Variants in ABCC1 observed in about 807,000 individuals in gnomAD.
ABCC1 encodes multidrug resistance-associated protein 1.
A neutral mutation model predicts 172.9 loss-of-function variants in ABCC1; 83 were observed. The observed-to-expected ratio is 0.48, with a 90% CI of 0.40 to 0.58. ABCC1 has a LOEUF of 0.58. ABCC1 is among the 20% of genes least tolerant of loss of function. The pLI, the probability that ABCC1 is intolerant of heterozygous loss-of-function variation, is 0.00. For synonymous variants in ABCC1, 937 were observed against 825.2 expected (o/e 1.14, Z -2.32); for missense variants, 1,817 against 2,002.7 (o/e 0.91, Z 1.77).
At chr16:16,074,877 C>A (rs998399866) in intron 14 of ABCC1, among the ~76,000 whole-genome samples, 4 of 152,116 alleles carry the variant, frequency 2.6e-5, no homozygotes, top group Admixed American at 2.0e-4. Context: ...AAAAAATACT[C>A]CTGTATTATC....
At chr16:16,074,963 T>C (rs1381966804) in intron 14 of ABCC1, among the ~76,000 whole-genome samples, 2 of 107,746 alleles carry the variant, frequency 1.9e-5, no homozygotes, top group African/African-American at 3.4e-5. Context: ...TTTTTTTTTT[T>C]TGAGACAGAG....
At chr16:16,032,033 C>T (rs1368104031) in intron 5 of ABCC1, among the ~76,000 whole-genome samples, 2 of 152,072 alleles carry the variant, frequency 1.3e-5, no homozygotes, top group African/African-American at 4.8e-5. Context: ...GCTCTGTTGC[C>T]AGGCTGTAGT....
intron 14 of ABCC1, among the ~76,000 whole-genome samples, chr16:16,073,040 C>CA (rs5815853): frequency 0.029 from 3,316 of 115,790 alleles, 50 homozygotes; most frequent in Middle Eastern, 0.057. Flanking sequence ...GACTTCATCT[C>CA]AAAAAAAAAA....
At chr16:16,001,172 A>G (rs549221464) in intron 1 of ABCC1, among the ~76,000 whole-genome samples, 1 of 152,252 alleles carries the variant, frequency 6.6e-6, no homozygotes, top group African/African-American at 2.4e-5. Context: ...TGAATGTAGA[A>G]GGAAGGCCTC....
At chr16:16,039,104 AG>A (rs760410096) in intron 7 of ABCC1, among the ~76,000 whole-genome samples, 205 of 152,176 alleles carry the variant, frequency 1.3e-3, no homozygotes, top group Non-Finnish European at 2.5e-3. Context: ...TATGGGAGAC[AG>A]GACGTTGGTT....
intron 21 of ABCC1, among the ~76,000 whole-genome samples, chr16:16,107,775 A>G (rs2052198262): frequency 1.3e-5 from 2 of 151,672 alleles, no homozygotes; most frequent in South Asian, 4.2e-4. Flanking sequence ...TTCTCCATTT[A>G]TGGTGGTGAT....
Position 16,036,564 on chromosome 16 carries a change from T to G in ABCC1, c.770T>G (p.Leu257Trp), listed in dbSNP as rs1165069763. 2 of 1,614,112 alleles carry G rather than the reference T, an allele frequency of 1.2e-6. No individual in the cohort carries two copies. Among genetic ancestry groups the G allele is most frequent in the Non-Finnish European group, 1.7e-6 (2 of 1,179,980 alleles). Residue 257 changes from leucine (L) to tryptophan (W), a missense_variant, in exon 7 of 31, where the codon TTG becomes TGG. Physicochemically the swap from Leu to Trp is moderately conservative, Grantham distance 61 (BLOSUM62 -2). Around this residue, in one of 3 missense-constraint regions of ABCC1, gnomAD observed 398 missense variants for 384.2 expected, o/e 1.04. Coordinates refer to ENST00000399410, the MANE Select transcript of ABCC1 (RefSeq NM_004996.4). ...ACGTCGGAACAAGTCGTGCCTGTTT[T>G]GGTAAAGAACTGGAAGAAGGAATGC... Reference protein sequence around the residue: ...EDTSEQVVPVLVKNWKKECAK... With the variant: ...EDTSEQVVPVWVKNWKKECAK...
At chr16:16,115,616 G>A (rs1395042187) in intron 23 of ABCC1, among the ~76,000 whole-genome samples, 1 of 151,964 alleles carries the variant, frequency 6.6e-6, no homozygotes, top group African/African-American at 2.4e-5. Context: ...CCAAGTGTTG[G>A]GATTACAGAT....
intron 1 of ABCC1, among the ~76,000 whole-genome samples, chr16:15,950,499 T>TC (rs1197722210): frequency 6.6e-6 from 1 of 152,100 alleles, no homozygotes; most frequent in Non-Finnish European, 1.5e-5. Context: ...GGTCCTGCCC[T>TC]CCCTTCCCTG....
chr16:16,070,800 CTT>C (rs2050316202), intron 13 of ABCC1, among the ~76,000 whole-genome samples: 1 of 152,168 alleles, frequency 6.6e-6, no homozygotes, highest in Non-Finnish European at 1.5e-5. Context: ...TCATTCTTTC[CTT>C]TCTTTGCCGA....
intron 12 of ABCC1, among the ~76,000 whole-genome samples, chr16:16,059,143 G>GC (rs1202262043): frequency 6.6e-6 from 1 of 152,196 alleles, no homozygotes; most frequent in Non-Finnish European, 1.5e-5. Flanking sequence ...TGGACCAGCA[G>GC]CCATGGCATC....
At chr16:16,117,471 A>G (rs953021281) in intron 23 of ABCC1, among the ~76,000 whole-genome samples, 4 of 152,200 alleles carry the variant, frequency 2.6e-5, no homozygotes, top group Admixed American at 1.3e-4. Context: ...CAAACCATAT[A>G]ACCACGGAAA....
chr16:16,075,752 G>T (rs2151971915), intron 14 of ABCC1, among the ~76,000 whole-genome samples: 1 of 152,296 alleles, frequency 6.6e-6, no homozygotes, highest in Middle Eastern at 3.4e-3. Context: ...TATCGTGATG[G>T]ATGTTTTAGA....
intron 30 of ABCC1, 136 bp from the exon 31 acceptor site, chr16:16,141,037 G>C: frequency 1.5e-6 from 1 of 680,546 alleles, no homozygotes; most frequent in South Asian, 1.8e-5. Context: ...CAACCAGCTG[G>C]AAGGTACTGC....
At chr16:16,013,529 G>A (rs2047876706) in intron 3 of ABCC1, among the ~76,000 whole-genome samples, 1 of 151,508 alleles carries the variant, frequency 6.6e-6, no homozygotes, top group African/African-American at 2.4e-5. Context: ...CCAAAGTGCT[G>A]GGATTACAGG....
In ABCC1 at chr16:16,048,295, C is replaced by T; in HGVS notation, c.1372C>T (p.Leu458=). 6.2e-7 allele frequency: 1 copy of T among 1,614,090 alleles called. No homozygotes were observed. Among genetic ancestry groups the T allele is most frequent in the Non-Finnish European group, 8.5e-7 (1 of 1,179,960 alleles). Residue 458 remains leucine, a synonymous_variant, in exon 10 of 31, where the codon CTG becomes TTG. Transcript: ENST00000399410. ...GCAAGTCATCCTTGCTCTCTACCTC[C>T]TGTGGCTGGTGTGTGTTTAACGCCG... ...PLQVILALYL[L]WLNLGPSVLA...
chr16:15,963,255 C>T (rs1422006657), intron 1 of ABCC1, among the ~76,000 whole-genome samples: 2 of 152,240 alleles, frequency 1.3e-5, no homozygotes, highest in African/African-American at 4.8e-5. Context: ...CAGCTCTGCC[C>T]CTGTGGCTTT....
intron 27 of ABCC1, among the ~76,000 whole-genome samples, chr16:16,133,731 A>G (rs1055113978): frequency 6.6e-6 from 1 of 151,976 alleles, no homozygotes; most frequent in Non-Finnish European, 1.5e-5. Context: ...GGCTTATCTC[A>G]CGTCATGAGA....
At chr16:16,015,620 G>A (rs918644632) in intron 4 of ABCC1, among the ~76,000 whole-genome samples, 1 of 152,246 alleles carries the variant, frequency 6.6e-6, no homozygotes, top group Non-Finnish European at 1.5e-5. Context: ...GCAGGGGACT[G>A]TGTATGTGTC....
Sources: allele counts gnomAD v4.1 joint callset (sites outside exome capture counted in the v4.1 genomes callset), GRCh38; gene constraint gnomAD v4.1.1; regional missense constraint gnomAD v4.1.1; transcripts MANE v1.5; gene names NCBI Gene and HGNC (gene_info 2026-07-23, HGNC 2026-07-21).